The following RBFOX1 variants were observed in gnomAD, a reference collection of about 807,000 sequenced individuals.
The protein encoded by RBFOX1 is RNA binding protein fox-1 homolog 1.
Under a neutral mutation model 57.7 loss-of-function variants are expected in RBFOX1, and 8 were observed. That is an observed-to-expected ratio of 0.14 (90% confidence interval 0.08 to 0.25). The LOEUF (loss-of-function observed/expected upper bound fraction) is 0.25, where lower values mean the gene tolerates loss of function less well. Ranked by LOEUF, RBFOX1 falls within the 10% of genes least tolerant of loss-of-function variation. The probability of loss-of-function intolerance (pLI) is 1.00; values close to 1 mark genes in which losing one functional copy is unlikely to be tolerated. For missense variants in RBFOX1, 611 were observed against 548.5 expected, an observed-to-expected ratio of 1.11 and a Z score of -1.14; for synonymous variants, 326 against 222.4, an observed-to-expected ratio of 1.47 and a Z score of -4.15.
rs183145978 is a variant in RBFOX1 at position 5,836,447 on chromosome 16, C to G, written c.319-30856C>G. ...TCAGTCATACCTGTCACTTGCTCCCCCTGTTCTGCTCCCCATCTCAGTGAA... is the reference window on the plus strand; with the variant it reads ...TCAGTCATACCTGTCACTTGCTCCCGCTGTTCTGCTCCCCATCTCAGTGAA... On this transcript the variant is annotated intron_variant, in intron 3 of 19. Transcript: ENST00000641259. Among the ~76,000 whole-genome samples the G allele has an allele frequency of 3.1e-3, 473 of 152,306 alleles. 3 individuals are homozygous for G. The highest frequency in any genetic ancestry group is 0.027 in the Middle Eastern group (8 of 294).
intron 3 of RBFOX1, among the ~76,000 whole-genome samples, chr16:5,613,646 C>T (rs1202454564): frequency 6.6e-6 from 1 of 152,104 alleles, no homozygotes; most frequent in East Asian, 1.9e-4. Context: ...GGGAGGCAGT[C>T]CAGTACCAGG....
intron 3 of RBFOX1, among the ~76,000 whole-genome samples, chr16:6,926,932 G>A (rs1173725068): frequency 2.0e-5 from 3 of 152,146 alleles, no homozygotes; most frequent in East Asian, 1.9e-4. Flanking sequence ...TGTTGTCACT[G>A]CTGGAATGCA....
At chr16:6,401,743 A>T (rs989317678) in intron 2 of RBFOX1, among the ~76,000 whole-genome samples, 3 of 152,184 alleles carry the variant, frequency 2.0e-5, no homozygotes, top group African/African-American at 7.2e-5. Flanking sequence ...GTTTAAAGAT[A>T]AGTTTACTGT....
intron 4 of RBFOX1, among the ~76,000 whole-genome samples, chr16:7,508,642 C>G (rs772437558): frequency 6.6e-6 from 1 of 152,136 alleles, no homozygotes. Context: ...GGCACAAATA[C>G]TATGTATCCA....
chr16:7,055,229 C>G (rs751356420), intron 4 of RBFOX1, among the ~76,000 whole-genome samples: 1 of 152,138 alleles, frequency 6.6e-6, no homozygotes, highest in African/African-American at 2.4e-5. Context: ...CAACGTTTTT[C>G]TAACTCAGCT....
chr16:6,975,696 C>T (rs2086675805), intron 3 of RBFOX1, among the ~76,000 whole-genome samples: 1 of 152,172 alleles, frequency 6.6e-6, no homozygotes, highest in Non-Finnish European at 1.5e-5. Context: ...TCCCTTGGAA[C>T]ATCAATTTAT....
chr16:6,641,352 C>A (rs939757690), intron 2 of RBFOX1, among the ~76,000 whole-genome samples: 5 of 152,158 alleles, frequency 3.3e-5, no homozygotes, highest in African/African-American at 1.2e-4. Context: ...ACGCTGACAT[C>A]TGTCATTTTC....
intron 2 of RBFOX1, among the ~76,000 whole-genome samples, chr16:5,527,386 C>T (rs1179102949): frequency 6.6e-6 from 1 of 152,220 alleles, no homozygotes; most frequent in Non-Finnish European, 1.5e-5. Flanking sequence ...TGTTTCTCTT[C>T]CACCGGCTTA....
intron 4 of RBFOX1, among the ~76,000 whole-genome samples, chr16:7,276,483 C>G (rs7203067): frequency 0.017 from 2,574 of 152,284 alleles, 35 homozygotes; most frequent in Non-Finnish European, 0.026. Flanking sequence ...TATATTCTCT[C>G]TTTTTATCTC....
intron 4 of RBFOX1, among the ~76,000 whole-genome samples, chr16:7,349,110 G>A (rs548345548): frequency 6.6e-6 from 1 of 152,150 alleles, no homozygotes; most frequent in African/African-American, 2.4e-5. Context: ...TGGAGGTGTG[G>A]TTGCTCCTAT....
chr16:7,130,816 A>T (rs1178973653), intron 4 of RBFOX1, among the ~76,000 whole-genome samples: 1 of 152,194 alleles, frequency 6.6e-6, no homozygotes, highest in Admixed American at 6.5e-5. Context: ...TGAGTGGGGA[A>T]CAAGAACACT....
chr16:5,459,611 C>A (rs899541819), intron 1 of RBFOX1, among the ~76,000 whole-genome samples: 1 of 152,066 alleles, frequency 6.6e-6, no homozygotes, highest in Non-Finnish European at 1.5e-5. Context: ...TTCCTTCCCC[C>A]ACAAATCTTT....
intron 11 of RBFOX1, among the ~76,000 whole-genome samples, chr16:7,646,841 T>A (rs1258525055): frequency 5.9e-5 from 9 of 152,156 alleles, no homozygotes. Context: ...ATCTCATTTG[T>A]GTTTATTTTC....
At chr16:7,024,018 C>A (rs1263952846) in intron 3 of RBFOX1, among the ~76,000 whole-genome samples, 1 of 150,370 alleles carries the variant, frequency 6.7e-6, no homozygotes, top group South Asian at 2.1e-4. Context: ...CTCCTGATAA[C>A]CGTATGTTGA....
At chr16:6,598,670 G>A (rs1049278431) in intron 2 of RBFOX1, among the ~76,000 whole-genome samples, 1 of 152,178 alleles carries the variant, frequency 6.6e-6, no homozygotes, top group Non-Finnish European at 1.5e-5. Flanking sequence ...GTGGCTGGCT[G>A]GGCGTGGTGG....
intron 3 of RBFOX1, among the ~76,000 whole-genome samples, chr16:5,852,612 A>G (rs1335035507): frequency 6.6e-6 from 1 of 152,140 alleles, no homozygotes; most frequent in African/African-American, 2.4e-5. Flanking sequence ...CTGATCAACC[A>G]ATGCTTGATG....
At position 6,819,729 on chromosome 16, in the gene RBFOX1, AAATAACAAC is replaced by A. The variant is rs1567396666; in HGVS notation, c.-16+165081_-16+165089del. ...TCAAAAAAAAAAAAAAAAAAAAAAA[AAATAACAAC>A]ACCAAAAGGTATATAGTATAACAGG... On this transcript the variant is annotated intron_variant, in intron 3 of 15. Coordinates refer to ENST00000550418, the MANE Select transcript of RBFOX1 (RefSeq NM_018723.4). 8.0e-4 allele frequency among the ~76,000 whole-genome samples: 79 copies of A among 98,312 alleles called. 2 individuals are homozygous for A. The highest frequency in any genetic ancestry group is 2.0e-3 in the South Asian group (6 of 3,046). 64.5% of individuals were successfully genotyped at this position (98,312 alleles called of 152,430 possible).
At chr16:7,446,798 ATTTTTTTTTT>A (rs34580591) in intron 4 of RBFOX1, among the ~76,000 whole-genome samples, 4 of 48,968 alleles carry the variant, frequency 8.2e-5, no homozygotes, top group Non-Finnish European at 1.0e-4. Context: ...AGGTCTAGGT[ATTTTTTTTTT>A]TTTTTTTTTT....
chr16:7,693,231 C>T, intron 14 of RBFOX1: 2 of 1,136,234 alleles, frequency 1.8e-6, no homozygotes, highest in Non-Finnish European at 1.3e-6. Flanking sequence ...CTTCCCTCCC[C>T]TCATCTGTAC....
Sources: allele counts gnomAD v4.1 joint callset (sites outside exome capture counted in the v4.1 genomes callset), GRCh38; gene constraint gnomAD v4.1.1; transcripts MANE v1.5; gene names NCBI Gene and HGNC (gene_info 2026-07-23, HGNC 2026-07-21).